Variants in FAT3 observed in about 807,000 individuals in gnomAD.
FAT3 encodes FAT atypical cadherin 3.
Under a neutral mutation model 310.2 loss-of-function variants are expected in FAT3, and 95 were observed. The observed-to-expected ratio is 0.31, with a 90% CI of 0.26 to 0.36. The LOEUF is 0.36. FAT3 is among the 10% of genes least tolerant of loss of function. The pLI, the probability that FAT3 is intolerant of heterozygous loss-of-function variation, is 1.00. For missense variants in FAT3, 5,408 were observed against 5,715.6 expected (o/e 0.95, Z 1.74); for synonymous variants, 2,314 against 2,192.9 (o/e 1.06, Z -1.54).
At chr11:92,313,539 C>G (rs1223020677) in intron 1 of FAT3, among the ~76,000 whole-genome samples, 1 of 152,124 alleles carries the variant, frequency 6.6e-6, no homozygotes, top group Admixed American at 6.6e-5. Flanking sequence ...TGTTGTACCT[C>G]AAACCCATTT....
intron 19 of FAT3, among the ~76,000 whole-genome samples, chr11:92,847,192 T>C (rs1433045031): frequency 1.3e-5 from 2 of 152,252 alleles, no homozygotes; most frequent in African/African-American, 2.4e-5. Flanking sequence ...CAAGGGACCA[T>C]GTATACAGTG....
intron 3 of FAT3, among the ~76,000 whole-genome samples, chr11:92,585,556 G>A (rs1221016408): frequency 1.3e-5 from 2 of 151,940 alleles, no homozygotes; most frequent in Non-Finnish European, 2.9e-5. Context: ...CAAAGCACCG[G>A]TGCAGCTCCA....
chr11:92,328,895 T>TG (rs1452065818), intron 1 of FAT3, among the ~76,000 whole-genome samples: 1 of 151,890 alleles, frequency 6.6e-6, no homozygotes, highest in Non-Finnish European at 1.5e-5. Flanking sequence ...GGGAGGGAGG[T>TG]GGGGTGATGT....
At chr11:92,662,225 C>G (rs1199584582) in intron 3 of FAT3, among the ~76,000 whole-genome samples, 1 of 152,150 alleles carries the variant, frequency 6.6e-6, no homozygotes, top group Non-Finnish European at 1.5e-5. Context: ...TGCCAGGAGC[C>G]ATTATCAGGA....
intron 4 of FAT3, among the ~76,000 whole-genome samples, chr11:92,759,211 G>C (rs1946081785): frequency 6.6e-6 from 1 of 152,104 alleles, no homozygotes; most frequent in African/African-American, 2.4e-5. Flanking sequence ...GACTGATTTG[G>C]CTAAAGAGAC....
chr11:92,744,651 T>C (rs1321413127), intron 4 of FAT3, among the ~76,000 whole-genome samples: 3 of 152,216 alleles, frequency 2.0e-5, no homozygotes, highest in Non-Finnish European at 4.4e-5. Context: ...GCTGTAGTAT[T>C]AGGGACACAG....
chr11:92,628,275 A>G (rs1941409916), intron 3 of FAT3, among the ~76,000 whole-genome samples: 1 of 152,194 alleles, frequency 6.6e-6, no homozygotes, highest in Non-Finnish European at 1.5e-5. Flanking sequence ...TTGCTATTTC[A>G]AAGGAATCTT....
intron 3 of FAT3, among the ~76,000 whole-genome samples, chr11:92,580,431 C>T (rs909628853): frequency 2.0e-5 from 3 of 152,054 alleles, no homozygotes; most frequent in African/African-American, 7.2e-5. Context: ...AATCTTTCTC[C>T]AATCCTTTCC....
intron 19 of FAT3, among the ~76,000 whole-genome samples, chr11:92,849,021 C>A (rs1948752473): frequency 6.6e-6 from 1 of 152,240 alleles, no homozygotes; most frequent in Non-Finnish European, 1.5e-5. Flanking sequence ...AAGCCATGAC[C>A]AGTTCGCATG....
At chr11:92,690,634 A>G (rs1387129474) in intron 3 of FAT3, among the ~76,000 whole-genome samples, 1 of 152,076 alleles carries the variant, frequency 6.6e-6, no homozygotes, top group South Asian at 2.1e-4. Flanking sequence ...CTGAAAATAC[A>G]TATTACTTAG....
At chr11:92,650,515 G>C (rs1221895108) in intron 3 of FAT3, among the ~76,000 whole-genome samples, 1 of 152,164 alleles carries the variant, frequency 6.6e-6, no homozygotes, top group African/African-American at 2.4e-5. Context: ...TTTGGAATCA[G>C]ACAGCCCTAG....
At position 92,507,683 on chromosome 11, in the gene FAT3, CAT is replaced by C. The variant is rs527374274; in HGVS notation, c.3293-16950_3293-16949del. 5.8e-4 allele frequency among the ~76,000 whole-genome samples: 86 copies of C among 148,518 alleles called. 1 individual carries two copies. In the South Asian group the frequency reaches 0.015, roughly 25 times the overall value. On this transcript the variant is annotated intron_variant, in intron 2 of 27. Transcript: ENST00000525166. ...ACACATATATGTACACATATGCACA[CAT>C]GTGTACATATACATGTATATATACA...
At chr11:92,442,081 T>TTATATATATATATATATATATATA (rs869247397) in intron 2 of FAT3, among the ~76,000 whole-genome samples, 1 of 69,992 alleles carries the variant, frequency 1.4e-5, no homozygotes, top group African/African-American at 8.2e-5. Context: ...AATATATATT[T>TTATATATATATATATATATATATA]TATATATATA....
chr11:92,789,961 G>A lies in FAT3; in HGVS notation c.4354G>A (p.Asp1452Asn). 1 of 1,613,590 alleles carries A rather than the reference G, an allele frequency of 6.2e-7. No homozygotes were observed. The highest frequency in any genetic ancestry group is 8.5e-7 in the Non-Finnish European group (1 of 1,179,656). ...ACTACAGGTATTTATCAAAGTGCTG[G>A]ATAATAATGATAATGGCCCAGAATT... ...AVTQVFIKVL[D>N]NNDNGPEFSQ... The change falls in exon 8 of 28, where the codon GAT (aspartate) becomes AAT (asparagine). Residue 1452 changes from aspartate to asparagine, a missense_variant. This residue lies in a region of FAT3 where 4,588 missense variants were observed against 4,809.8 expected (regional missense o/e 0.95). Transcript: ENST00000525166.
chr11:92,560,355 T>C (rs905492328), intron 3 of FAT3, among the ~76,000 whole-genome samples: 1 of 152,192 alleles, frequency 6.6e-6, no homozygotes, highest in African/African-American at 2.4e-5. Flanking sequence ...CCGTGTCAGA[T>C]ATATGATTTA....
intron 2 of FAT3, among the ~76,000 whole-genome samples, chr11:92,455,232 A>T (rs1951466773): frequency 6.6e-6 from 1 of 152,134 alleles, no homozygotes; most frequent in African/African-American, 2.4e-5. Context: ...TATTTTAAAG[A>T]TTGCAATTTG....
rs934392505 is a variant in FAT3, at chr11:92,396,715, A to T, written c.3292+41311A>T. Among the ~76,000 whole-genome samples the T allele has an allele frequency of 3.3e-5, 5 of 151,806 alleles. No homozygotes were observed. The South Asian group carries it at 6.2e-4, about 19-fold the overall frequency. Reference sequence around the variant, plus strand: ...TTTGTTGGCCCTTTGTTATTTATTTATTTTTTTTGAGATGGACTTTCATTC... The same window carrying T: ...TTTGTTGGCCCTTTGTTATTTATTTTTTTTTTTTGAGATGGACTTTCATTC... On this transcript the variant is annotated intron_variant, in intron 2 of 27. Coordinates refer to ENST00000525166, the MANE Select transcript of FAT3 (RefSeq NM_001367949.2).
chr11:92,603,607 G>T (rs1033411289), intron 3 of FAT3, among the ~76,000 whole-genome samples: 30 of 151,992 alleles, frequency 2.0e-4, no homozygotes, highest in African/African-American at 5.6e-4. Context: ...CCCTCACTTG[G>T]GTGTGCTTCT....
Position 92,844,654 on chromosome 11 carries a change from G to A in FAT3, c.11287G>A (p.Ala3763Thr), listed in dbSNP as rs761433970. The A allele has an allele frequency of 2.9e-5, 46 of 1,608,628 alleles. No homozygotes were observed. In the East Asian group the frequency reaches 4.9e-4, roughly 17 times the overall value. Residue 3763 changes from alanine (A) to threonine (T), a missense_variant, in exon 19 of 28, where the codon GCG (alanine) becomes ACG (threonine). By Grantham distance (58) the Ala-to-Thr change is moderately conservative. Around this residue, in one of 5 missense-constraint regions of FAT3, gnomAD observed 4,588 missense variants for 4,809.8 expected, o/e 0.95. Transcript: ENST00000525166. Reference sequence around the variant, plus strand: ...GCAAGGCTTGTCACTCGATTCCCACGCGCTCATGACCTACAGCACGGCTCG... The same window carrying A: ...GCAAGGCTTGTCACTCGATTCCCACACGCTCATGACCTACAGCACGGCTCG... ...CEQGLSLDSHALMTYSTARIS... is the reference protein window; with the variant it reads ...CEQGLSLDSHTLMTYSTARIS...
Sources: allele counts gnomAD v4.1 joint callset (sites outside exome capture counted in the v4.1 genomes callset), GRCh38; gene constraint gnomAD v4.1.1; regional missense constraint gnomAD v4.1.1; transcripts MANE v1.5; gene names NCBI Gene and HGNC (gene_info 2026-07-23, HGNC 2026-07-21).